Variants in PHACTR1 observed in about 807,000 individuals in gnomAD.
PHACTR1 encodes the protein RPEL repeat containing 1.
In PHACTR1, 16 loss-of-function variants were observed where a neutral mutation model predicts 69.2. That is an observed-to-expected ratio of 0.23 (90% CI 0.16 to 0.35). The LOEUF is 0.35. Among genes scored for constraint, PHACTR1 ranks in the 10% least tolerant of loss-of-function variants. PHACTR1 has a pLI of 1.00. For missense variants in PHACTR1, 510 were observed against 734.7 expected (o/e 0.69, Z 3.54); for synonymous variants, 312 against 284.5 (o/e 1.10, Z -0.97).
chr6:12,938,930 A>G (rs1261603916), intron 4 of PHACTR1, among the ~76,000 whole-genome samples: 1 of 152,174 alleles, frequency 6.6e-6, no homozygotes, highest in Admixed American at 6.6e-5. Context: ...CATTGTATGG[A>G]TATACCACAA....
chr6:12,784,487 T>A (rs1771262504), intron 4 of PHACTR1, among the ~76,000 whole-genome samples: 1 of 151,286 alleles, frequency 6.6e-6, no homozygotes, highest in African/African-American at 2.4e-5. Flanking sequence ...CACATATACA[T>A]ATACACACAT....
At chr6:13,000,451 G>A (rs1015774013) in intron 4 of PHACTR1, among the ~76,000 whole-genome samples, 1 of 152,120 alleles carries the variant, frequency 6.6e-6, no homozygotes, top group Non-Finnish European at 1.5e-5. Context: ...AGGAGGCTGA[G>A]GTGAGAGGAT....
At chr6:13,281,085 C>G in intron 12 of PHACTR1, 1 of 1,289,606 alleles carries the variant, frequency 7.8e-7, no homozygotes, top group Non-Finnish European at 1.0e-6. Context: ...TCCAAGGCCC[C>G]GCGATGTTCA....
chr6:12,995,458 A>G (rs563768284), intron 4 of PHACTR1, among the ~76,000 whole-genome samples: 13 of 152,208 alleles, frequency 8.5e-5, no homozygotes, highest in African/African-American at 2.9e-4. Flanking sequence ...ATAGGCAAAT[A>G]TTAACCGAAA....
chr6:12,879,279 A>G (rs1782844094), intron 4 of PHACTR1, among the ~76,000 whole-genome samples: 1 of 152,204 alleles, frequency 6.6e-6, no homozygotes, highest in South Asian at 2.1e-4. Context: ...TGAAGAGAAC[A>G]TGGGTCTGTC....
intron 7 of PHACTR1, among the ~76,000 whole-genome samples, chr6:13,194,801 A>T (rs3932442): frequency 0.085 from 12,915 of 151,974 alleles, 1,288 homozygotes; most frequent in East Asian, 0.57. Context: ...ATTTTTTTTT[A>T]AATTTAATGT....
intron 10 of PHACTR1, among the ~76,000 whole-genome samples, chr6:13,269,812 C>CA (rs946363060): frequency 2.0e-5 from 3 of 151,838 alleles, no homozygotes; most frequent in Admixed American, 2.0e-4. Context: ...CCAGCCTGGG[C>CA]AAAAAAAGCT....
intron 5 of PHACTR1, among the ~76,000 whole-genome samples, chr6:13,074,572 A>G (rs1030097676): frequency 1.3e-5 from 2 of 152,266 alleles, no homozygotes; most frequent in Non-Finnish European, 1.5e-5. Flanking sequence ...GAGAGGCTGC[A>G]AAGTTTCAGA....
chr6:12,750,705 T>G (rs1471546639), intron 4 of PHACTR1, among the ~76,000 whole-genome samples: 1 of 152,256 alleles, frequency 6.6e-6, no homozygotes, highest in East Asian at 1.9e-4. Context: ...TGCTCCTAAC[T>G]CGACTCTAGA....
chr6:13,280,063 T>G (rs761762532), intron 12 of PHACTR1: 1 of 152,226 alleles, frequency 6.6e-6, no homozygotes, highest in Non-Finnish European at 1.5e-5. Context: ...AGACATTTAT[T>G]TAATTCCTAT....
chr6:13,146,152 A>C lies in PHACTR1; in HGVS notation c.416-14052A>C, dbSNP rs148436823. 7.2e-4 allele frequency among the ~76,000 whole-genome samples: 110 copies of C among 152,316 alleles called. 1 individual carries two copies. The East Asian group carries it at 0.015, about 21-fold the overall frequency. On this transcript the variant is annotated intron_variant, in intron 5 of 14. Transcript: ENST00000332995. ...AACATCTTCTTTATCTGTCGTGTGG[A>C]TAATAGTGCCAACCTCTCAGAGTTG...
At chr6:12,916,227 T>G (rs371828417) in intron 4 of PHACTR1, among the ~76,000 whole-genome samples, 2 of 152,314 alleles carry the variant, frequency 1.3e-5, no homozygotes, top group Non-Finnish European at 2.9e-5. Flanking sequence ...ACTCACAATC[T>G]TCATGTCTGT....
chr6:13,230,370 G>C, intron 10 of PHACTR1, 177 bp downstream of exon 10: 1 of 1,399,070 alleles, frequency 7.1e-7, no homozygotes. Flanking sequence ...TGGCCAACAT[G>C]GTGAAACCCC....
chr6:13,102,266 AATC>A (rs1198444193), intron 5 of PHACTR1, among the ~76,000 whole-genome samples: 1 of 152,210 alleles, frequency 6.6e-6, no homozygotes, highest in Non-Finnish European at 1.5e-5. Context: ...GTTTCAGACT[AATC>A]ATCAGAATTC....
At chr6:13,214,790 T>G (rs1465249505) in intron 8 of PHACTR1, among the ~76,000 whole-genome samples, 1 of 152,016 alleles carries the variant, frequency 6.6e-6, no homozygotes, top group Non-Finnish European at 1.5e-5. Flanking sequence ...TATGAATGAG[T>G]TTTTGTTACT....
intron 4 of PHACTR1, among the ~76,000 whole-genome samples, chr6:12,811,804 T>C (rs1330595023): frequency 5.9e-5 from 9 of 152,056 alleles, no homozygotes. Context: ...TACTTAGTAG[T>C]AGACTTTCTG....
chr6:13,113,687 A>G (rs1817389326), intron 5 of PHACTR1, among the ~76,000 whole-genome samples: 1 of 152,212 alleles, frequency 6.6e-6, no homozygotes, highest in African/African-American at 2.4e-5. Context: ...AATGATTTTC[A>G]GCATTTAAAA....
chr6:13,088,333 A>AT (rs1554125079), intron 5 of PHACTR1, among the ~76,000 whole-genome samples: 4 of 146,704 alleles, frequency 2.7e-5, no homozygotes, highest in Non-Finnish European at 6.0e-5. Flanking sequence ...CAAAAAAAAA[A>AT]CCCTCAGTAC....
intron 4 of PHACTR1, among the ~76,000 whole-genome samples, chr6:12,959,196 GAAAAGAAAA>G (rs1792344221): frequency 2.6e-5 from 2 of 77,854 alleles, no homozygotes; most frequent in Admixed American, 1.2e-4. Flanking sequence ...AAAAAAAAAA[GAAAAGAAAA>G]AAAAAAGAAA....
Sources: gnomAD v4.1 joint callset for allele counts (sites outside exome capture counted in the v4.1 genomes callset) on GRCh38, gnomAD v4.1.1 for gene constraint, MANE v1.5 for transcripts, NCBI Gene and HGNC (gene_info 2026-07-23, HGNC 2026-07-21) for gene names.